The following PRIM2 variants were observed in gnomAD, a reference collection of about 807,000 sequenced individuals.
PRIM2 encodes the protein DNA primase large subunit.
PRIM2 carries 39 observed loss-of-function variants against 67.3 expected under a neutral mutation model. That is an observed-to-expected ratio of 0.58 (90% CI 0.45 to 0.76). The LOEUF (loss-of-function observed/expected upper bound fraction) is 0.76. Among genes scored for constraint, PRIM2 ranks in the 30% least tolerant of loss-of-function variants. The probability of loss-of-function intolerance (pLI) is 0.00; values close to 1 mark genes in which losing one functional copy is unlikely to be tolerated. For missense variants in PRIM2, 398 were observed against 598.7 expected, an observed-to-expected ratio of 0.66 and a Z score of 3.50; for synonymous variants, 143 against 198.7, an observed-to-expected ratio of 0.72 and a Z score of 2.36.
chr6:57,482,338 T>G (rs1773649552), intron 7 of PRIM2, among the ~76,000 whole-genome samples: 1 of 152,116 alleles, frequency 6.6e-6, no homozygotes, highest in Admixed American at 6.5e-5. Context: ...GGACGATAAT[T>G]TATATTTTTC....
intron 4 of PRIM2, among the ~76,000 whole-genome samples, chr6:57,324,804 A>G (rs1382499499): frequency 6.6e-6 from 1 of 152,180 alleles, no homozygotes; most frequent in African/African-American, 2.4e-5. Context: ...TGGTCACATA[A>G]TTTAGTTATG....
chr6:57,541,420 ATTTAC>A (rs2127471627), intron 10 of PRIM2, among the ~76,000 whole-genome samples: 1 of 151,908 alleles, frequency 6.6e-6, no homozygotes, highest in Non-Finnish European at 1.5e-5. Context: ...TTTTTCTCCA[ATTTAC>A]TTTATTGTGA....
intron 7 of PRIM2, among the ~76,000 whole-genome samples, chr6:57,390,391 T>C (rs7751975): frequency 5.8e-4 from 88 of 151,928 alleles, no homozygotes; most frequent in African/African-American, 2.0e-3. Context: ...ACATATTTCT[T>C]TTTTTTTAAC....
intron 10 of PRIM2, among the ~76,000 whole-genome samples, chr6:57,587,564 TGAGGTAG>T (rs1214695162): frequency 1.4e-5 from 2 of 144,718 alleles, no homozygotes; most frequent in East Asian, 4.2e-4. Flanking sequence ...CTTGGGAGGC[TGAGGTAG>T]GAGAAAGGCG....
At chr6:57,224,152 G>A in the PRIM2 span, among the ~76,000 whole-genome samples, 2 of 152,062 alleles carry the variant, frequency 1.3e-5, no homozygotes, top group Non-Finnish European at 2.9e-5. Context: ...AAAAAAGGAG[G>A]GACCCAGGTG....
chr6:57,411,793 C>T (rs1386352723), intron 7 of PRIM2, among the ~76,000 whole-genome samples: 2 of 151,736 alleles, frequency 1.3e-5, no homozygotes, highest in Non-Finnish European at 2.9e-5. Context: ...TAAGGGCTAT[C>T]TGATTTTGGT....
At chr6:57,342,393 G>A (rs912274958) in intron 5 of PRIM2, among the ~76,000 whole-genome samples, 14 of 152,124 alleles carry the variant, frequency 9.2e-5, no homozygotes, top group Non-Finnish European at 8.8e-5. Flanking sequence ...TCACATTAAA[G>A]GTGAATGGGT....
At chr6:57,394,272 A>C (rs899574513) in intron 7 of PRIM2, among the ~76,000 whole-genome samples, 4 of 152,110 alleles carry the variant, frequency 2.6e-5, no homozygotes, top group Non-Finnish European at 5.9e-5. Flanking sequence ...TTTTCACAAT[A>C]TTGATTTTTC....
At chr6:57,602,916 C>T (rs1313679368) in intron 11 of PRIM2, among the ~76,000 whole-genome samples, 2 of 152,190 alleles carry the variant, frequency 1.3e-5, no homozygotes, top group East Asian at 3.9e-4. Context: ...TCCCATATAC[C>T]TCCACGCCCC....
chr6:57,372,532 G>C (rs1482487022), intron 5 of PRIM2, among the ~76,000 whole-genome samples: 6 of 152,090 alleles, frequency 3.9e-5, no homozygotes, highest in Non-Finnish European at 5.9e-5. Flanking sequence ...TTCATCCTCT[G>C]CTGTATTTCA....
At chr6:57,244,258 C>T in the PRIM2 span, among the ~76,000 whole-genome samples, 1 of 152,186 alleles carries the variant, frequency 6.6e-6, no homozygotes, top group Non-Finnish European at 1.5e-5. Context: ...TGAACCCTCT[C>T]TTTGTTTAAC....
the PRIM2 span, among the ~76,000 whole-genome samples, chr6:57,243,114 C>T: frequency 6.6e-6 from 1 of 152,240 alleles, no homozygotes; most frequent in Non-Finnish European, 1.5e-5. Context: ...TCATTCACAT[C>T]TTCACACATT....
chr6:57,236,004 T>C, the PRIM2 span, among the ~76,000 whole-genome samples: 1 of 152,250 alleles, frequency 6.6e-6, no homozygotes, highest in Admixed American at 6.5e-5. Context: ...CCAGAGAGAC[T>C]GATTTTGGAC....
intron 7 of PRIM2, among the ~76,000 whole-genome samples, chr6:57,454,978 ATGT>A (rs1187917894): frequency 6.6e-6 from 1 of 152,018 alleles, no homozygotes. Context: ...AGATTCTGGT[ATGT>A]TGTGTCTTTG....
At chr6:57,499,010 T>TA (rs1260617764) in intron 7 of PRIM2, among the ~76,000 whole-genome samples, 2 of 152,202 alleles carry the variant, frequency 1.3e-5, no homozygotes, top group Non-Finnish European at 2.9e-5. Context: ...AGCAATTGGC[T>TA]AACAGCAGAA....
rs1774741710 is a variant in PRIM2 at position 57,525,932 on chromosome 6, T to A, written c.762-6479T>A. 3.9e-5 allele frequency among the ~76,000 whole-genome samples: 6 copies of A among 152,320 alleles called. No homozygotes were observed. The South Asian group carries it at 1.2e-3, about 32-fold the overall frequency. On this transcript the variant is annotated intron_variant, in intron 8 of 13. Transcript: ENST00000615550. ...GTACAGGGATTCCTGAAGGTGTGTG[T>A]GTGGTGTTTTTTTATTTATTTGTTT...
At chr6:57,455,019 A>T (rs1329877592) in intron 7 of PRIM2, among the ~76,000 whole-genome samples, 1 of 152,040 alleles carries the variant, frequency 6.6e-6, no homozygotes, top group African/African-American at 2.4e-5. Context: ...GACCATCTTT[A>T]TTTCTGCCTT....
At chr6:57,336,859 A>G (rs1489781091) in intron 5 of PRIM2, among the ~76,000 whole-genome samples, 2 of 152,214 alleles carry the variant, frequency 1.3e-5, no homozygotes, top group Admixed American at 1.3e-4. Context: ...ACACATAACA[A>G]TATTAACTTT....
At chr6:57,487,651 A>T (rs1393920977) in intron 7 of PRIM2, among the ~76,000 whole-genome samples, 1 of 152,266 alleles carries the variant, frequency 6.6e-6, no homozygotes, top group Non-Finnish European at 1.5e-5. Flanking sequence ...CCATATGGCA[A>T]TAAATAATTT....
Sources: gnomAD v4.1 joint callset for allele counts (sites outside exome capture counted in the v4.1 genomes callset) on GRCh38, gnomAD v4.1.1 for gene constraint, MANE v1.5 for transcripts, NCBI Gene and HGNC (gene_info 2026-07-23, HGNC 2026-07-21) for gene names.